The following BFSP2 variants were observed in gnomAD, a reference collection of about 807,000 sequenced individuals.
The protein encoded by BFSP2 is beaded filament structural protein 2, also known as phakinin.
A neutral mutation model predicts 44.9 loss-of-function variants in BFSP2; 38 were observed. The ratio of observed to expected loss-of-function variants is 0.85; its 90% confidence interval spans 0.65 to 1.11. BFSP2 has a LOEUF of 1.11. Among genes scored for constraint, BFSP2 ranks in the 50% least tolerant of loss-of-function variants. The probability of loss-of-function intolerance (pLI) is 0.00; values close to 1 mark genes in which losing one functional copy is unlikely to be tolerated. For synonymous variants in BFSP2, 197 were observed against 209.9 expected (o/e 0.94, Z 0.53); for missense variants, 525 against 533.0 (o/e 0.99, Z 0.15).
intron 1 of BFSP2, among the ~76,000 whole-genome samples, chr3:133,430,933 C>T (rs1316070706): frequency 2.0e-5 from 3 of 152,138 alleles, no homozygotes; most frequent in Non-Finnish European, 4.4e-5. Context: ...GTGACTAGCC[C>T]TCCCCCACCT....
rs548056504 is a variant in BFSP2, at chr3:133,442,774, G to A, written c.490-4543G>A. The stretch of plus-strand genomic sequence containing the variant: ...AGATCAAGATGATCCCTTGGTTTCC[G>A]GGTAGACATTGGGGTTGTTTACTGA... On this transcript the variant is annotated intron_variant, in intron 1 of 6. Coordinates refer to ENST00000302334, the MANE Select transcript of BFSP2 (RefSeq NM_003571.4). Among the ~76,000 whole-genome samples, 26 of 152,178 alleles carry A rather than the reference G, an allele frequency of 1.7e-4. No individual in the cohort carries two copies. In the South Asian group the frequency reaches 3.5e-3, roughly 21 times the overall value.
chr3:133,415,314 CT>C (rs2073510031), intron 1 of BFSP2, among the ~76,000 whole-genome samples: 1 of 92,582 alleles, frequency 1.1e-5, no homozygotes, highest in Admixed American at 1.1e-4. Context: ...CTACTCGCCC[CT>C]GTCCTTTCCC....
intron 1 of BFSP2, among the ~76,000 whole-genome samples, chr3:133,417,227 C>T (rs535175946): frequency 9.8e-5 from 14 of 142,526 alleles, no homozygotes; most frequent in East Asian, 2.2e-4. Flanking sequence ...TCTACTTACC[C>T]GTGTCCTCTC....
intron 1 of BFSP2, among the ~76,000 whole-genome samples, chr3:133,430,881 A>G (rs1011542096): frequency 3.9e-4 from 58 of 149,762 alleles, no homozygotes; most frequent in Non-Finnish European, 6.7e-4. Flanking sequence ...TCCTTTTATC[A>G]CCTCCCCTCC....
At chr3:133,455,121 ATTTTTCTTTT>A (rs762905891) in intron 4 of BFSP2, among the ~76,000 whole-genome samples, 1 of 152,114 alleles carries the variant, frequency 6.6e-6, no homozygotes, top group Non-Finnish European at 1.5e-5. Context: ...ACCGTTAACT[ATTTTTCTTTT>A]TTAATAAGTA....
chr3:133,470,749 C>A (rs1361457095), intron 5 of BFSP2, among the ~76,000 whole-genome samples: 2 of 152,182 alleles, frequency 1.3e-5, no homozygotes, highest in Non-Finnish European at 1.5e-5. Context: ...AGACTTGGTT[C>A]CTTCCAAGTC....
chr3:133,444,831 C>T (rs901952776), intron 1 of BFSP2, among the ~76,000 whole-genome samples: 1 of 152,152 alleles, frequency 6.6e-6, no homozygotes, highest in African/African-American at 2.4e-5. Context: ...ACCGCAAGAG[C>T]CTCCCGACTG....
intron 6 of BFSP2, among the ~76,000 whole-genome samples, chr3:133,473,885 A>G (rs1388477067): frequency 2.6e-5 from 4 of 152,200 alleles, no homozygotes; most frequent in Non-Finnish European, 2.9e-5. Context: ...TAATCAGTGA[A>G]GGAAAGACAT....
chr3:133,442,936 C>A (rs910210805), intron 1 of BFSP2, among the ~76,000 whole-genome samples: 2 of 151,720 alleles, frequency 1.3e-5, no homozygotes, highest in African/African-American at 4.8e-5. Context: ...CAGCTCACTG[C>A]TACCTCTGCC....
intron 6 of BFSP2, among the ~76,000 whole-genome samples, chr3:133,474,444 G>A (rs997830796): frequency 2.0e-5 from 3 of 152,190 alleles, no homozygotes; most frequent in African/African-American, 4.8e-5. Flanking sequence ...TCAAGGAAGC[G>A]ACCTAACCAC....
chr3:133,427,767 T>C (rs1483829970), intron 1 of BFSP2, among the ~76,000 whole-genome samples: 1 of 152,250 alleles, frequency 6.6e-6, no homozygotes, highest in Non-Finnish European at 1.5e-5. Flanking sequence ...TTCCCTTCGT[T>C]ACATTAGCCT....
At chr3:133,426,973 G>T (rs2073659903) in intron 1 of BFSP2, among the ~76,000 whole-genome samples, 1 of 152,200 alleles carries the variant, frequency 6.6e-6, no homozygotes. Context: ...AGACAGGCTG[G>T]CTCATTTCCC....
Position 133,474,690 on chromosome 3 carries a change from C to A in BFSP2, c.1245-279C>A, listed in dbSNP as rs528130297. Among the ~76,000 whole-genome samples the A allele has an allele frequency of 6.6e-5, 10 of 152,284 alleles. No homozygotes were observed. The South Asian group carries it at 1.9e-3, about 28-fold the overall frequency. ...TACGTTCATTTAGTGAGTGCCAAGGCAGACCTGACTCTTGATTATTTTTGT... is the reference window on the plus strand; with the variant it reads ...TACGTTCATTTAGTGAGTGCCAAGGAAGACCTGACTCTTGATTATTTTTGT... On this transcript the variant is annotated intron_variant, in intron 6 of 6. Coordinates refer to ENST00000302334, the MANE Select transcript of BFSP2 (RefSeq NM_003571.4).
intron 1 of BFSP2, among the ~76,000 whole-genome samples, chr3:133,443,694 A>G (rs1189900406): frequency 6.6e-6 from 1 of 152,122 alleles, no homozygotes; most frequent in African/African-American, 2.4e-5. Flanking sequence ...TCCATCCTAA[A>G]CTTGAAAGTC....
intron 4 of BFSP2, among the ~76,000 whole-genome samples, chr3:133,458,041 T>C (rs1305617588): frequency 6.6e-6 from 1 of 152,248 alleles, no homozygotes; most frequent in African/African-American, 2.4e-5. Flanking sequence ...GTGTGTGCAC[T>C]GGTAATTTTG....
intron 1 of BFSP2, among the ~76,000 whole-genome samples, chr3:133,426,471 A>G (rs2073655426): frequency 6.6e-6 from 1 of 152,238 alleles, no homozygotes; most frequent in Admixed American, 6.5e-5. Context: ...TCCCTTTTCT[A>G]CAAATAGACT....
At chr3:133,405,347 A>G (rs1415196950) in intron 1 of BFSP2, among the ~76,000 whole-genome samples, 1 of 152,236 alleles carries the variant, frequency 6.6e-6, no homozygotes, top group African/African-American at 2.4e-5. Flanking sequence ...ATTAGAGTTT[A>G]AAATGGACCT....
rs905202848 is a variant in BFSP2 at position 133,423,309 on chromosome 3, C to T, written c.489+22737C>T. On this transcript the variant is annotated intron_variant, in intron 1 of 6. Coordinates refer to ENST00000302334, the MANE Select transcript of BFSP2 (RefSeq NM_003571.4). ...TGGCTTTGTGACCCAAGGCAAATCG[C>T]TTAACCTCTCTGAATTCCAACGTCC... is the stretch of plus-strand genomic sequence containing the variant. Among the ~76,000 whole-genome samples, 4 of 152,280 alleles carry T rather than the reference C, an allele frequency of 2.6e-5. No individual in the cohort carries two copies. The East Asian group carries it at 7.7e-4, about 29-fold the overall frequency.
chr3:133,430,303 T>C (rs1048699597), intron 1 of BFSP2, among the ~76,000 whole-genome samples: 4 of 151,674 alleles, frequency 2.6e-5, no homozygotes, highest in Non-Finnish European at 5.9e-5. Context: ...ATGGTATTTC[T>C]AGTTCTAGAT....
Sources: gnomAD v4.1 joint callset for allele counts (sites outside exome capture counted in the v4.1 genomes callset) on GRCh38, gnomAD v4.1.1 for gene constraint, MANE v1.5 for transcripts, NCBI Gene and HGNC (gene_info 2026-07-23, HGNC 2026-07-21) for gene names.